The following PHF21B variants were observed in gnomAD, a reference collection of about 807,000 sequenced individuals.
PHF21B encodes PHD finger protein 4.
In PHF21B, 22 loss-of-function variants were observed where a neutral mutation model predicts 62.2. The observed-to-expected ratio is 0.35, with a 90% CI of 0.25 to 0.51. The LOEUF is 0.51. Among genes scored for constraint, PHF21B ranks in the 20% least tolerant of loss-of-function variants. The pLI is 0.97. For missense variants in PHF21B, 701 were observed against 707.9 expected (o/e 0.99, Z 0.11); for synonymous variants, 341 against 314.7 (o/e 1.08, Z -0.88).
At chr22:45,000,074 G>A (rs1016199006) in intron 2 of PHF21B, among the ~76,000 whole-genome samples, 8 of 152,114 alleles carry the variant, frequency 5.3e-5, no homozygotes, top group Middle Eastern at 3.4e-3. Flanking sequence ...CCTCCAAGGC[G>A]GCAAAGCCTG....
At chr22:44,887,837 G>A in intron 10 of PHF21B, 126 bp downstream of exon 10, 2 of 983,916 alleles carry the variant, frequency 2.0e-6, no homozygotes, top group Non-Finnish European at 2.7e-6. Flanking sequence ...AATGTCAATT[G>A]TGCTGAGGTT....
At chr22:44,901,880 TG>T in intron 5 of PHF21B, 1 of 256,462 alleles carries the variant, frequency 3.9e-6, no homozygotes, top group African/African-American at 2.2e-5. Flanking sequence ...ACAAGAATGG[TG>T]GTACCCGGCT....
chr22:44,888,436 C>T (rs945866830), intron 9 of PHF21B, among the ~76,000 whole-genome samples: 5 of 152,126 alleles, frequency 3.3e-5, no homozygotes, highest in African/African-American at 1.2e-4. Context: ...ACCCCAGGTG[C>T]GGGCGACAAG....
At chr22:44,894,908 A>G (rs989777488) in intron 6 of PHF21B, among the ~76,000 whole-genome samples, 1 of 152,022 alleles carries the variant, frequency 6.6e-6, no homozygotes, top group African/African-American at 2.4e-5. Flanking sequence ...GAGCTGTGTG[A>G]CCTCAGCCAG....
chr22:44,894,635 A>G (rs914469520), intron 6 of PHF21B, among the ~76,000 whole-genome samples: 4 of 152,170 alleles, frequency 2.6e-5, no homozygotes, highest in Admixed American at 2.6e-4. Flanking sequence ...CTGGAGGGTA[A>G]TGCCTTCCAA....
intron 6 of PHF21B, among the ~76,000 whole-genome samples, chr22:44,894,005 C>T (rs920962836): frequency 7.2e-5 from 11 of 152,228 alleles, no homozygotes; most frequent in East Asian, 3.9e-4. Flanking sequence ...CGCATGCGAG[C>T]GAGAGGGGGC....
In PHF21B at chr22:44,885,635, C is replaced by A. The variant is rs1289942109; in HGVS notation, c.1274-106G>T. 4.2e-6 allele frequency: 5 copies of A among 1,196,518 alleles called. No individual in the cohort carries two copies. The Admixed American group carries it at 1.2e-4, about 30-fold the overall frequency. The allele number at this position is 1,196,518 out of a possible 1,614,324, so 74.1% of individuals were successfully genotyped here. On this transcript the variant is annotated intron_variant, in intron 11 of 12. Coordinates refer to ENST00000313237, the MANE Select transcript of PHF21B (RefSeq NM_138415.5). ...GGATGAAACCAAGGCCTAGGACATC[C>A]CCCTGAAGAAGCCAGTGGCTGTGGC...
At position 45,007,871 on chromosome 22, in the gene PHF21B, G is replaced by A. The variant is rs554954143; in HGVS notation, c.120+674C>T. On this transcript the variant is annotated intron_variant, in intron 2 of 12. Transcript: ENST00000313237. The stretch of plus-strand genomic sequence containing the variant: ...CGAGCGCTGAGCTCAGCGCAACTAA[G>A]TCACAATGGACAACTTTTCCTCCCC... 2.6e-5 allele frequency among the ~76,000 whole-genome samples: 4 copies of A among 151,862 alleles called. No individual in the cohort carries two copies. In the South Asian group the frequency reaches 8.3e-4, roughly 32 times the overall value.
At position 44,920,194 on chromosome 22, in the gene PHF21B, C is replaced by A. The variant is rs139321976; in HGVS notation, c.213+204G>T. 4.3e-3 allele frequency among the ~76,000 whole-genome samples: 652 copies of A among 152,308 alleles called. 6 individuals are homozygous for A. Among genetic ancestry groups the A allele is most frequent in the African/African-American group, 0.014 (591 of 41,568 alleles). ...GTCATGACCCACTAAATTGATTTCC[C>A]AATTCCTTGCTGAAGAAACGTATCT... On this transcript the variant is annotated intron_variant, in intron 3 of 12. Coordinates refer to ENST00000313237, the MANE Select transcript of PHF21B (RefSeq NM_138415.5).
rs2071649668 is a variant in PHF21B at position 44,927,192 on chromosome 22, T to G, written c.121-6702A>C. Among the ~76,000 whole-genome samples the G allele has an allele frequency of 2.0e-5, 3 of 151,720 alleles. No individual in the cohort carries two copies. The South Asian group carries it at 6.2e-4, about 32-fold the overall frequency. ...GCTATTTCCACTTGATCCTCCCTAG[T>G]CAGTTACCAAGAAAGGGACACAACC... is the stretch of plus-strand genomic sequence containing the variant. On this transcript the variant is annotated intron_variant, in intron 2 of 12. Coordinates refer to ENST00000313237, the MANE Select transcript of PHF21B (RefSeq NM_138415.5).
At chr22:44,884,119 C>A (rs1170313566) in intron 12 of PHF21B, among the ~76,000 whole-genome samples, 9 of 145,176 alleles carry the variant, frequency 6.2e-5, no homozygotes, top group Middle Eastern at 3.6e-3. Context: ...AGCACCATCA[C>A]CATCATGATC....
chr22:44,938,200 G>A (rs557783620), intron 2 of PHF21B, among the ~76,000 whole-genome samples: 1 of 152,122 alleles, frequency 6.6e-6, no homozygotes, highest in Non-Finnish European at 1.5e-5. Context: ...TCAGTCTCCC[G>A]AGTAGCTGGG....
intron 2 of PHF21B, among the ~76,000 whole-genome samples, chr22:44,974,195 C>T (rs770198404): frequency 6.6e-6 from 1 of 152,110 alleles, no homozygotes; most frequent in Non-Finnish European, 1.5e-5. Context: ...AGGTGGATCA[C>T]TTGAGGGCCA....
chr22:44,932,905 A>T (rs1223551308), intron 2 of PHF21B, among the ~76,000 whole-genome samples: 1 of 152,010 alleles, frequency 6.6e-6, no homozygotes, highest in Non-Finnish European at 1.5e-5. Context: ...TGGATTTGAC[A>T]AACATCTACA....
At chr22:44,925,822 A>C (rs561182278) in intron 2 of PHF21B, among the ~76,000 whole-genome samples, 2 of 152,242 alleles carry the variant, frequency 1.3e-5, no homozygotes, top group East Asian at 3.9e-4. Context: ...TGTTCCCCCA[A>C]CTTCCACAAA....
chr22:44,930,120 C>T (rs974128240), intron 2 of PHF21B, among the ~76,000 whole-genome samples: 1 of 152,244 alleles, frequency 6.6e-6, no homozygotes, highest in South Asian at 2.1e-4. Context: ...CGAGCACCTG[C>T]GTCTGCGCAC....
chr22:44,960,465 G>C (rs1242005858), intron 2 of PHF21B, among the ~76,000 whole-genome samples: 2 of 152,178 alleles, frequency 1.3e-5, no homozygotes, highest in East Asian at 3.8e-4. Flanking sequence ...CCACTGGCTG[G>C]AAGTCACTGC....
chr22:44,927,669 C>T (rs531373465), intron 2 of PHF21B, among the ~76,000 whole-genome samples: 2 of 152,160 alleles, frequency 1.3e-5, no homozygotes, highest in Non-Finnish European at 2.9e-5. Context: ...CAAGCCTACC[C>T]GAGTGCGTTC....
intron 2 of PHF21B, among the ~76,000 whole-genome samples, chr22:44,954,092 T>C (rs1337790645): frequency 6.6e-6 from 1 of 152,232 alleles, no homozygotes; most frequent in African/African-American, 2.4e-5. Flanking sequence ...GATCCAGGTT[T>C]ACGGGGAAGG....
Sources: gnomAD v4.1 joint callset for allele counts (sites outside exome capture counted in the v4.1 genomes callset) on GRCh38, gnomAD v4.1.1 for gene constraint, MANE v1.5 for transcripts, NCBI Gene and HGNC (gene_info 2026-07-23, HGNC 2026-07-21) for gene names.